MGST1: variants seen among roughly 807,000 people sequenced by gnomAD.
The protein encoded by MGST1 is microsomal glutathione S-transferase 1.
A neutral mutation model predicts 8.9 loss-of-function variants in MGST1; 5 were observed. That is an observed-to-expected ratio of 0.56 (90% CI 0.29 to 1.19). The LOEUF is 1.19. MGST1 is among the 50% of genes most tolerant of loss of function. MGST1 has a pLI of 0.08. For synonymous variants in MGST1, 54 were observed against 67.8 expected, an observed-to-expected ratio of 0.80 and a Z score of 1.00; for missense variants, 182 against 187.4, an observed-to-expected ratio of 0.97 and a Z score of 0.17.
intron 4 of MGST1, among the ~76,000 whole-genome samples, chr12:16,463,984 G>A (rs1290874015): frequency 2.0e-5 from 3 of 152,208 alleles, no homozygotes; most frequent in Non-Finnish European, 4.4e-5. Flanking sequence ...CACAGGGCAT[G>A]GTTGTTAAGA....
intron 4 of MGST1, among the ~76,000 whole-genome samples, chr12:16,468,697 A>G (rs1021281434): frequency 7.9e-5 from 12 of 152,156 alleles, no homozygotes; most frequent in Non-Finnish European, 1.3e-4. Flanking sequence ...CTCAGAAAAT[A>G]TTTGTTGTAG....
intron 4 of MGST1, among the ~76,000 whole-genome samples, chr12:16,461,029 G>A (rs926711688): frequency 6.6e-6 from 1 of 152,036 alleles, no homozygotes; most frequent in Non-Finnish European, 1.5e-5. Flanking sequence ...TGAAGTGGAT[G>A]TGGAGCACAT....
At chr12:16,349,636 A>G (rs1054203269) in intron 1 of MGST1, among the ~76,000 whole-genome samples, 1 of 152,132 alleles carries the variant, frequency 6.6e-6, no homozygotes, top group Non-Finnish European at 1.5e-5. Context: ...GAGATAAAAT[A>G]TGCAAAAGCT....
chr12:16,504,196 A>G (rs1039386552), intron 4 of MGST1, among the ~76,000 whole-genome samples: 5 of 141,670 alleles, frequency 3.5e-5, no homozygotes, highest in Admixed American at 7.4e-5. Flanking sequence ...CACTACAACC[A>G]CAACTGGCCC....
chr12:16,561,620 T>C (rs59726665), intron 4 of MGST1, among the ~76,000 whole-genome samples: 1,579 of 152,332 alleles, frequency 0.01, 27 homozygotes, highest in African/African-American at 0.035. Flanking sequence ...AATTTAAGGA[T>C]TAGGCACAAA....
At chr12:16,347,428 AT>A (rs1450948112), upstream of MGST1, among the ~76,000 whole-genome samples, 1 of 152,060 alleles carries the variant, frequency 6.6e-6, no homozygotes, top group Non-Finnish European at 1.5e-5. The surrounding 1 kb of genome is among the most constrained non-coding windows in gnomAD (Gnocchi z 4.0). Context: ...CTTCCCACTG[AT>A]TAGGGGAGTT....
In MGST1 at chr12:16,354,266, C is replaced by T; in HGVS notation, c.14C>T (p.Thr5Ile). ...AAAATTGAAAAAATGGTTGACCTCACCCAGGTAATGGATGATGAAGTATTC... is the reference window on the plus strand; with the variant it reads ...AAAATTGAAAAAATGGTTGACCTCATCCAGGTAATGGATGATGAAGTATTC... MVDL[T>I]QVMDDEVFMA... Residue 5 changes from threonine to isoleucine, a missense_variant, in exon 2 of 4, where the codon ACC becomes ATC. Coordinates refer to ENST00000396210, the MANE Select transcript of MGST1 (RefSeq NM_020300.5). The T allele has an allele frequency of 1.3e-6, 2 of 1,589,874 alleles. No individual in the cohort carries two copies. The highest frequency in any genetic ancestry group is 1.7e-6 in the Non-Finnish European group (2 of 1,172,514).
In MGST1 at chr12:16,586,315, T is replaced by C. The variant is rs781345947; in HGVS notation, n.483-3213T>C. On this transcript the variant is annotated intron_variant and non_coding_transcript_variant, in intron 4 of 4. Transcript: ENST00000538857. The surrounding 1 kb of genome is among the most constrained non-coding windows in gnomAD (Gnocchi z 4.3). ...ATGTCATGATACGATGAAGTCCACA[T>C]ACGGAACAACTAAGAAACAACTAAA... Among the ~76,000 whole-genome samples the C allele has an allele frequency of 6.6e-6, 1 of 152,264 alleles. No individual in the cohort carries two copies. Among genetic ancestry groups the C allele is most frequent in the Non-Finnish European group, 1.5e-5 (1 of 68,014 alleles).
chr12:16,363,213 A>G lies in MGST1; in HGVS notation c.222-582A>G, dbSNP rs914483768. On this transcript the variant is annotated intron_variant, in intron 3 of 3. Transcript: ENST00000396210. This position sits in a 1 kb window ranked among gnomAD's most constrained non-coding sequence, Gnocchi z 4.6. ...TTTGGCATTTGGAAGATAGGTTAGC[A>G]AAAATTTTACTATATTTGAAAGGCT... 1 of 152,306 alleles carries G rather than the reference A, an allele frequency of 6.6e-6. No individual in the cohort carries two copies. The highest frequency in any genetic ancestry group is 1.9e-4 in the East Asian group (1 of 5,180). The allele number at this position is 152,306 out of a possible 1,614,324, so 9.4% of individuals were successfully genotyped here. A position where few individuals can be genotyped will look rare whatever the true frequency, so the allele number is the denominator to read the frequency against.
intron 1 of MGST1, among the ~76,000 whole-genome samples, chr12:16,437,074 A>G (rs560743477): frequency 6.6e-6 from 1 of 152,106 alleles, no homozygotes; most frequent in East Asian, 1.9e-4. Context: ...GAGAAAGACA[A>G]GATTACTGAA....
rs1940648185 is a variant in MGST1 at position 16,400,774 on chromosome 12, G to A, written n.778+17170G>A. The A allele has an allele frequency of 7.9e-6, 10 of 1,258,628 alleles. No individual in the cohort carries two copies. In the Admixed American group the frequency reaches 1.3e-4, roughly 17 times the overall value. 78.0% of individuals were successfully genotyped at this position (1,258,628 alleles called of 1,614,324 possible). ...TACTTATATTCTTGATTGTGGCAATGTGAAAAGGTGTTGCAATGCCAAACA... is the reference window on the plus strand; with the variant it reads ...TACTTATATTCTTGATTGTGGCAATATGAAAAGGTGTTGCAATGCCAAACA... On this transcript the variant is annotated intron_variant and non_coding_transcript_variant, in intron 1 of 1. Transcript: ENST00000359720.
chr12:16,378,910 T>C (rs1448031674), downstream of MGST1, among the ~76,000 whole-genome samples: 2 of 152,216 alleles, frequency 1.3e-5, no homozygotes, highest in Non-Finnish European at 2.9e-5. Flanking sequence ...TTTGAAGCAA[T>C]TGTGAATGGG....
chr12:16,391,932 G>A (rs2137053004), intron 1 of MGST1, among the ~76,000 whole-genome samples: 1 of 152,278 alleles, frequency 6.6e-6, no homozygotes, highest in South Asian at 2.1e-4. Context: ...GTGGCATGAG[G>A]AAGGGGTCCA....
chr12:16,447,360 T>C (rs564559393), intron 4 of MGST1, among the ~76,000 whole-genome samples: 1 of 152,116 alleles, frequency 6.6e-6, no homozygotes, highest in Non-Finnish European at 1.5e-5. Context: ...GCTTTTGATA[T>C]AATTTAACCC....
intron 1 of MGST1, among the ~76,000 whole-genome samples, chr12:16,436,905 G>A (rs1243005926): frequency 6.6e-6 from 1 of 151,948 alleles, no homozygotes; most frequent in Non-Finnish European, 1.5e-5. Flanking sequence ...TATAAAAAAA[G>A]ATATGACATG....
At chr12:16,475,453 T>G (rs940982261) in intron 4 of MGST1, among the ~76,000 whole-genome samples, 2 of 152,246 alleles carry the variant, frequency 1.3e-5, no homozygotes, top group Non-Finnish European at 2.9e-5. Context: ...AGATTAATGA[T>G]TCCCATTGCT....
Position 16,585,186 on chromosome 12 carries a change from T to C in MGST1, n.483-4342T>C, listed in dbSNP as rs7135281. ...CACAACGTTATTTTTCCTTCCAGACTCCGGAACCTGGAGGCAATTGAGTTT... is the reference window on the plus strand; with the variant it reads ...CACAACGTTATTTTTCCTTCCAGACCCCGGAACCTGGAGGCAATTGAGTTT... On this transcript the variant is annotated intron_variant and non_coding_transcript_variant, in intron 4 of 4. Transcript: ENST00000538857. The surrounding 1 kb of genome is among the most constrained non-coding windows in gnomAD (Gnocchi z 4.7). 0.56 allele frequency among the ~76,000 whole-genome samples: 84,908 copies of C among 151,974 alleles called. 23,873 individuals are homozygous for C. Among genetic ancestry groups the C allele is most frequent in the South Asian group, 0.67 (3,216 of 4,822 alleles).
rs560043721 is a variant in MGST1 at position 16,569,216 on chromosome 12, T to A, written n.483-20312T>A. Among the ~76,000 whole-genome samples the A allele has an allele frequency of 2.1e-4, 32 of 152,332 alleles. No homozygotes were observed. The East Asian group carries it at 4.6e-3, about 22-fold the overall frequency. ...TATCCCATGTCTACACACAAAACCTTACACAATTATTTAGTGTCAGAGCTA... is the reference window on the plus strand; with the variant it reads ...TATCCCATGTCTACACACAAAACCTAACACAATTATTTAGTGTCAGAGCTA... On this transcript the variant is annotated intron_variant and non_coding_transcript_variant, in intron 4 of 4. Transcript: ENST00000538857.
chr12:16,533,334 C>A (rs1941733816), intron 4 of MGST1, among the ~76,000 whole-genome samples: 1 of 152,112 alleles, frequency 6.6e-6, no homozygotes, highest in Non-Finnish European at 1.5e-5. Context: ...GGCTGTACAC[C>A]TTGATTTGTG....
Sources: gnomAD v4.1 joint callset for allele counts (sites outside exome capture counted in the v4.1 genomes callset) on GRCh38, gnomAD v4.1.1 for gene constraint, Gnocchi (gnomAD v3.1) non-coding constraint, MANE v1.5 for transcripts, NCBI Gene and HGNC (gene_info 2026-07-23, HGNC 2026-07-21) for gene names.